Variants in HGSNAT observed in about 807,000 individuals in gnomAD.
HGSNAT encodes heparan-alpha-glucosaminide N-acetyltransferase, also known as transmembrane protein 76.
Under a neutral mutation model 85.2 loss-of-function variants are expected in HGSNAT, and 59 were observed. The observed-to-expected ratio is 0.69, with a 90% confidence interval of 0.56 to 0.86. The LOEUF (loss-of-function observed/expected upper bound fraction) is 0.86, where lower values mean the gene tolerates loss of function less well. HGSNAT is among the 40% of genes least tolerant of loss of function. The pLI, the probability that HGSNAT is intolerant of heterozygous loss-of-function variation, is 0.00. For missense variants in HGSNAT, 756 were observed against 777.1 expected, an observed-to-expected ratio of 0.97 and a Z score of 0.32; for synonymous variants, 321 against 304.5, an observed-to-expected ratio of 1.05 and a Z score of -0.56.
chr8:43,165,372 C>T (rs1803401800), intron 5 of HGSNAT, among the ~76,000 whole-genome samples: 2 of 151,990 alleles, frequency 1.3e-5, no homozygotes, highest in South Asian at 4.1e-4. Context: ...CATTTCTCTC[C>T]CTCTCTTTGG....
intron 17 of HGSNAT, 97 bp from the exon 18 acceptor site, chr8:43,199,287 ACTTT>A (rs780547811): frequency 2.2e-5 from 18 of 807,618 alleles, no homozygotes; most frequent in Non-Finnish European, 3.1e-5. Context: ...GGAAGTGCAC[ACTTT>A]CTGTTTTTTC....
chr8:43,180,339 CG>C (rs1318340118), intron 10 of HGSNAT: 1 of 149,996 alleles, frequency 6.7e-6, no homozygotes, highest in Non-Finnish European at 1.4e-5. Flanking sequence ...ACTTCTCAGA[CG>C]GGGCGGTTGC....
chr8:43,167,334 T>C (rs1212647733), intron 5 of HGSNAT, among the ~76,000 whole-genome samples: 2 of 152,214 alleles, frequency 1.3e-5, no homozygotes, highest in East Asian at 3.8e-4. Flanking sequence ...AGGAAAAGTC[T>C]GTGGCAAACT....
intron 8 of HGSNAT, among the ~76,000 whole-genome samples, chr8:43,172,602 GCTTC>G (rs1417198335): frequency 6.6e-6 from 1 of 152,188 alleles, no homozygotes; most frequent in African/African-American, 2.4e-5. Flanking sequence ...AATCTGTAAA[GCTTC>G]ACTGTAATAA....
intron 4 of HGSNAT, among the ~76,000 whole-genome samples, chr8:43,159,440 T>C (rs565674649): frequency 6.6e-6 from 1 of 152,056 alleles, no homozygotes; most frequent in Admixed American, 6.5e-5. Flanking sequence ...ATACAAAAAT[T>C]AGCTGGGCCT....
chr8:43,140,935 G>A (rs933515417), intron 1 of HGSNAT, among the ~76,000 whole-genome samples: 2 of 152,210 alleles, frequency 1.3e-5, no homozygotes, highest in East Asian at 3.9e-4. Flanking sequence ...CCGCGGATCG[G>A]GACGCCGGGA....
chr8:43,146,897 T>C (rs1271898701), intron 1 of HGSNAT, 51 bp from the exon 2 acceptor site: 78 of 1,054,514 alleles, frequency 7.4e-5, no homozygotes, highest in Non-Finnish European at 1.1e-5. Context: ...CTCTAACACA[T>C]CTTTCGGGTG....
intron 1 of HGSNAT, 54 bp downstream of exon 1, chr8:43,140,668 C>CCGCGGCGCCGCCCCTATCTCCTT: frequency 1.1e-6 from 1 of 914,386 alleles, no homozygotes; most frequent in Non-Finnish European, 1.4e-6. Flanking sequence ...AGCGTCTCCT[C>CCGCGGCGCCGCCCCTATCTCCTT]TCCGCGGCGC....
chr8:43,163,092 C>T (rs749914835), intron 5 of HGSNAT, among the ~76,000 whole-genome samples: 9 of 151,626 alleles, frequency 5.9e-5, no homozygotes, highest in African/African-American at 1.5e-4. Context: ...GGCTGAGGCA[C>T]GAAAATGGCT....
chr8:43,180,874 CG>C (rs1469096276), intron 10 of HGSNAT: 1 of 102,708 alleles, frequency 9.7e-6, no homozygotes, highest in Non-Finnish European at 2.0e-5. Context: ...GCGGATCACT[CG>C]CGGCTAGGAG....
At position 43,170,471 on chromosome 8, in the gene HGSNAT, C is replaced by T; in HGVS notation, c.634-114C>T. The T allele has an allele frequency of 1.4e-5, 14 of 968,938 alleles. 1 individual carries two copies. In the South Asian group the frequency reaches 1.9e-4, roughly 13 times the overall value. The allele number at this position is 968,938 out of a possible 1,614,324, so 60.0% of individuals were successfully genotyped here. ...CTCCAGGCTGGGCCACAGAGCGAGA[C>T]TCTGTCTCAAAAAACAAAACAAAAC... On this transcript the variant is annotated intron_variant, in intron 6 of 17. Coordinates refer to ENST00000379644, the MANE Select transcript of HGSNAT (RefSeq NM_152419.3).
rs192642568 is a variant in HGSNAT, at chr8:43,186,580, A to G, written c.1128+4320A>G. ...AGTTTATCAATTTTGTTGATCTTTT[A>G]AAAAAACCAGCTCCTGGATTCATTG... is the stretch of plus-strand genomic sequence containing the variant. On this transcript the variant is annotated intron_variant, in intron 11 of 17. Coordinates refer to ENST00000379644, the MANE Select transcript of HGSNAT (RefSeq NM_152419.3). 4.7e-3 allele frequency among the ~76,000 whole-genome samples: 719 copies of G among 151,794 alleles called. 8 individuals are homozygous for G. The highest frequency in any genetic ancestry group is 0.016 in the African/African-American group (666 of 41,374).
intron 10 of HGSNAT, among the ~76,000 whole-genome samples, chr8:43,181,308 T>G (rs1474149093): frequency 6.6e-6 from 1 of 150,878 alleles, no homozygotes; most frequent in Non-Finnish European, 1.5e-5. Flanking sequence ...GGCAGCTGGG[T>G]TTCTGGAAGG....
chr8:43,146,855 T>C, intron 1 of HGSNAT, 93 bp from the exon 2 acceptor site: 1 of 694,504 alleles, frequency 1.4e-6, no homozygotes, highest in South Asian at 1.9e-5. Flanking sequence ...GAAGCACTAC[T>C]GGAAGCAACT....
At chr8:43,171,892 T>C (rs1803637033) in intron 7 of HGSNAT, among the ~76,000 whole-genome samples, 1 of 152,244 alleles carries the variant, frequency 6.6e-6, no homozygotes, top group African/African-American at 2.4e-5. Flanking sequence ...CAGGGTCTTA[T>C]GGCTAATGAC....
intron 2 of HGSNAT, among the ~76,000 whole-genome samples, chr8:43,156,574 A>G (rs1311810583): frequency 6.6e-6 from 1 of 152,148 alleles, no homozygotes; most frequent in Non-Finnish European, 1.5e-5. Context: ...ACTGATTTTT[A>G]GTTTTATTCC....
At chr8:43,194,137 C>T (rs1026661402) in intron 14 of HGSNAT, 2 of 1,121,966 alleles carry the variant, frequency 1.8e-6, no homozygotes, top group Admixed American at 9.0e-5. Flanking sequence ...GTGGCTCATG[C>T]CTATAACGCC....
chr8:43,178,327 G>T (rs368974174), intron 10 of HGSNAT, 93 bp downstream of exon 10: 10 of 885,608 alleles, frequency 1.1e-5, no homozygotes, highest in East Asian at 7.8e-5. Flanking sequence ...TCCATCTCAG[G>T]TGCCTGCAAA....
intron 1 of HGSNAT, among the ~76,000 whole-genome samples, chr8:43,145,596 C>T (rs550395430): frequency 6.6e-6 from 1 of 152,130 alleles, no homozygotes; most frequent in South Asian, 2.1e-4. Context: ...ACTAAAAATA[C>T]AAAAATTAGC....
Sources: gnomAD v4.1 joint callset for allele counts (sites outside exome capture counted in the v4.1 genomes callset) on GRCh38, gnomAD v4.1.1 for gene constraint, MANE v1.5 for transcripts, NCBI Gene and HGNC (gene_info 2026-07-23, HGNC 2026-07-21) for gene names.